CYFIP1: variants seen among roughly 807,000 people sequenced by gnomAD.
CYFIP1 encodes cytoplasmic FMR1-interacting protein 1.
Under a neutral mutation model 163.5 loss-of-function variants are expected in CYFIP1, and 58 were observed. The ratio of observed to expected loss-of-function variants is 0.35; its 90% confidence interval spans 0.29 to 0.44. CYFIP1 has a LOEUF of 0.44. Among genes scored for constraint, CYFIP1 ranks in the 20% least tolerant of loss-of-function variants. The pLI is 1.00. For synonymous variants in CYFIP1, 663 were observed against 660.7 expected, an observed-to-expected ratio of 1.00 and a Z score of -0.05; for missense variants, 1,338 against 1,653.8, an observed-to-expected ratio of 0.81 and a Z score of 3.31.
intron 1 of CYFIP1, among the ~76,000 whole-genome samples, chr15:22,965,532 G>A (rs1046855009): frequency 1.3e-5 from 2 of 152,186 alleles, no homozygotes; most frequent in African/African-American, 2.4e-5. Flanking sequence ...AGGCTCTAGC[G>A]TGGAGCCTAG....
intron 21 of CYFIP1, chr15:22,904,808 C>T (rs1465560289): frequency 2.0e-5 from 3 of 152,162 alleles, no homozygotes; most frequent in African/African-American, 7.2e-5. Context: ...GTCTCTGAGT[C>T]CCAGCCTGTT....
At chr15:22,904,023 C>G in intron 21 of CYFIP1, 118 bp from the exon 22 acceptor site, 1 of 906,198 alleles carries the variant, frequency 1.1e-6, no homozygotes. Context: ...CGGAGGCAGC[C>G]CCCAGTGAGC....
chr15:22,894,869 A>C (rs1256769145), intron 22 of CYFIP1, among the ~76,000 whole-genome samples: 2 of 109,262 alleles, frequency 1.8e-5, no homozygotes, highest in Non-Finnish European at 4.2e-5. Context: ...TATTTTATAT[A>C]TATATATATT....
intron 1 of CYFIP1, among the ~76,000 whole-genome samples, chr15:22,973,768 C>A (rs1422682049): frequency 6.6e-6 from 1 of 152,156 alleles, no homozygotes; most frequent in Admixed American, 6.5e-5. Context: ...AACAAAGTGA[C>A]AATCTACAGA....
upstream of CYFIP1, among the ~76,000 whole-genome samples, chr15:22,980,557 C>T (rs1221828433): frequency 6.6e-6 from 1 of 152,022 alleles, no homozygotes; most frequent in African/African-American, 2.4e-5. Flanking sequence ...AGGCAGAGAG[C>T]CCCTGGCTAC....
Position 22,870,362 on chromosome 15 carries a change from G to A in CYFIP1, c.3598-170C>T, listed in dbSNP as rs148819548. ...TTGTAAGATAGGGTCTCACTCTGAC[G>A]CCCAGGCTGGAGTGCAGTGGCATGA... is the stretch of plus-strand genomic sequence containing the variant. On this transcript the variant is annotated intron_variant, in intron 30 of 30. Coordinates refer to ENST00000617928, the MANE Select transcript of CYFIP1 (RefSeq NM_014608.6). Among the ~76,000 whole-genome samples the A allele has an allele frequency of 1.2e-3, 176 of 151,602 alleles. 4 individuals carry two copies. The East Asian group carries it at 0.027, about 24-fold the overall frequency.
intron 1 of CYFIP1, among the ~76,000 whole-genome samples, chr15:22,965,990 G>T (rs1348288590): frequency 6.6e-6 from 1 of 152,160 alleles, no homozygotes; most frequent in Non-Finnish European, 1.5e-5. Flanking sequence ...TCTTTACAGA[G>T]ATAATTAAGT....
chr15:22,930,220 A>AC (rs879783554), intron 11 of CYFIP1, among the ~76,000 whole-genome samples: 18 of 150,360 alleles, frequency 1.2e-4, no homozygotes, highest in East Asian at 1.2e-3. Flanking sequence ...ACAAAAAAAA[A>AC]CACAAAAAAA....
chr15:22,951,628 C>G, intron 1 of CYFIP1: 1 of 1,160,632 alleles, frequency 8.6e-7, no homozygotes, highest in Non-Finnish European at 1.1e-6. Context: ...TCCAGTCATG[C>G]CCGGGCCCCA....
chr15:22,881,796 T>C (rs1011380438), intron 25 of CYFIP1, 50 bp downstream of exon 25: 7 of 1,561,786 alleles, frequency 4.5e-6, no homozygotes, highest in Non-Finnish European at 6.1e-6. Context: ...TTGAATTCCT[T>C]TCTGACCTCT....
chr15:22,980,039 G>C (rs992711298), intron 1 of CYFIP1, among the ~76,000 whole-genome samples: 1 of 151,984 alleles, frequency 6.6e-6, no homozygotes, highest in Non-Finnish European at 1.5e-5. Flanking sequence ...GCAGGGACCG[G>C]GAAGCCAGTG....
At chr15:22,920,092 A>C (rs2061121658) in intron 13 of CYFIP1, among the ~76,000 whole-genome samples, 1 of 151,924 alleles carries the variant, frequency 6.6e-6, no homozygotes, top group South Asian at 2.1e-4. Flanking sequence ...ATAAAAAAAA[A>C]CAAAAAACAA....
chr15:22,932,363 C>A, intron 10 of CYFIP1, 23 bp from the exon 11 acceptor site: 1 of 1,538,668 alleles, frequency 6.5e-7, no homozygotes. Flanking sequence ...AAAGCACCCG[C>A]GTTACCTGCG....
intron 1 of CYFIP1, among the ~76,000 whole-genome samples, chr15:22,973,138 A>C (rs1444898552): frequency 6.6e-6 from 1 of 152,046 alleles, no homozygotes; most frequent in Non-Finnish European, 1.5e-5. Flanking sequence ...TCCGTCTCAA[A>C]AAAACAAAAC....
chr15:22,926,140 AT>A, intron 12 of CYFIP1, 33 bp from the exon 13 acceptor site: 3 of 1,612,684 alleles, frequency 1.9e-6, no homozygotes, highest in Non-Finnish European at 1.7e-6. Flanking sequence ...GGTGTTCCAT[AT>A]TGCATGCAAA....
intron 13 of CYFIP1, among the ~76,000 whole-genome samples, chr15:22,923,321 C>T (rs768575683): frequency 2.2e-4 from 33 of 152,174 alleles, no homozygotes; most frequent in African/African-American, 6.3e-4. Flanking sequence ...GACATTTCTC[C>T]AAATAATGCA....
chr15:22,944,814 G>C (rs2062003925), intron 4 of CYFIP1, 48 bp downstream of exon 4: 1 of 1,586,236 alleles, frequency 6.3e-7, no homozygotes, highest in African/African-American at 1.3e-5. Context: ...GTGTGGCAGG[G>C]GCCTGGCAGG....
intron 27 of CYFIP1, 72 bp downstream of exon 27, chr15:22,875,127 C>T: frequency 7.1e-7 from 1 of 1,414,978 alleles, no homozygotes; most frequent in Non-Finnish European, 1.0e-6. Context: ...CCTTAGCTCT[C>T]CGGTTGCATA....
chr15:22,965,028 G>A (rs1485032065), intron 1 of CYFIP1, among the ~76,000 whole-genome samples: 1 of 133,810 alleles, frequency 7.5e-6, no homozygotes, highest in African/African-American at 3.0e-5. Context: ...AGGCTGAATA[G>A]TATTCCATTG....
Sources: allele counts gnomAD v4.1 joint callset (sites outside exome capture counted in the v4.1 genomes callset), GRCh38; gene constraint gnomAD v4.1.1; transcripts MANE v1.5; gene names NCBI Gene and HGNC (gene_info 2026-07-23, HGNC 2026-07-21).